The following CAPN14 variants were observed in gnomAD, a reference collection of about 807,000 sequenced individuals.
CAPN14 encodes calpain-14.
CAPN14 carries 94 observed loss-of-function variants against 101.3 expected under a neutral mutation model. The observed-to-expected ratio is 0.93, with a 90% CI of 0.79 to 1.10. The LOEUF is 1.10. CAPN14 is among the 50% of genes least tolerant of loss of function. The pLI is 0.00. For missense variants in CAPN14, 837 were observed against 828.4 expected (o/e 1.01, Z -0.13); for synonymous variants, 338 against 317.9 (o/e 1.06, Z -0.67).
chr2:31,193,399 C>A, intron 9 of CAPN14, 105 bp from the exon 10 acceptor site: 1 of 1,150,956 alleles, frequency 8.7e-7, no homozygotes, highest in Non-Finnish European at 1.2e-6. Context: ...CCAGCCCTCT[C>A]ATGGACAAAG....
intron 1 of CAPN14, chr2:31,233,779 A>G (rs1683266498): frequency 6.6e-6 from 1 of 151,772 alleles, no homozygotes; most frequent in African/African-American, 2.4e-5. Context: ...AAATCCCCCA[A>G]TACTAGAGTA....
rs1405300076 is a variant in CAPN14, at chr2:31,191,955, T to C, written c.1258A>G (p.Ile420Val). The C allele has an allele frequency of 1.9e-6, 3 of 1,551,140 alleles. No homozygotes were observed. The highest frequency in any genetic ancestry group is 2.4e-5 in the South Asian group (2 of 83,990). The stretch of plus-strand genomic sequence containing the variant: ...CCTACCCTATACAGGTAGAAGCCAA[T>C]GGCGAGGAGAGGCTTCCGCTTGCGG... Reference protein sequence around the residue: ...RCRKRKPLLAIGFYLYRMNKY... With the variant: ...RCRKRKPLLAVGFYLYRMNKY... Residue 420 changes from isoleucine to valine, a missense_variant, in exon 11 of 22, where the codon ATT becomes GTT. Coordinates refer to ENST00000403897, the MANE Select transcript of CAPN14 (RefSeq NM_001145122.2).
At chr2:31,186,527 G>A in intron 15 of CAPN14, 42 bp from the exon 16 acceptor site, 1 of 1,468,816 alleles carries the variant, frequency 6.8e-7, no homozygotes, top group Non-Finnish European at 9.3e-7. Flanking sequence ...AACTGTTACT[G>A]AAGGCTCATT....
chr2:31,211,169 T>C (rs1682379382), intron 1 of CAPN14, among the ~76,000 whole-genome samples: 1 of 149,844 alleles, frequency 6.7e-6, no homozygotes, highest in Non-Finnish European at 1.5e-5. Context: ...TAATTCCTAG[T>C]TAAGCCAATA....
chr2:31,233,639 G>A (rs577253485), intron 1 of CAPN14, among the ~76,000 whole-genome samples: 134 of 152,168 alleles, frequency 8.8e-4, no homozygotes, highest in African/African-American at 3.0e-3. Flanking sequence ...TGTTTTGCTG[G>A]AATGAATGAA....
chr2:31,194,683 T>C (rs555149797), intron 8 of CAPN14, among the ~76,000 whole-genome samples, 200 bp from the exon 9 acceptor site: 3 of 152,336 alleles, frequency 2.0e-5, no homozygotes, highest in African/African-American at 7.2e-5. Flanking sequence ...TTGACATACA[T>C]TATTTCATTC....
In CAPN14 at chr2:31,174,296, T is replaced by C. The variant is rs903592915; in HGVS notation, c.*385A>G. On this transcript the variant is annotated 3_prime_UTR_variant, in exon 22 of 22. Coordinates refer to ENST00000403897, the MANE Select transcript of CAPN14 (RefSeq NM_001145122.2). ...TAAAACCTAGATGATTACCCCACCA[T>C]GTGAGAACATGTGGCATGTCTAAAG... 2.2e-5 allele frequency: 7 copies of C among 313,776 alleles called. No homozygotes were observed. The highest frequency in any genetic ancestry group is 1.5e-4 in the African/African-American group (7 of 46,280). The allele number at this position is 313,776 out of a possible 1,614,324, so 19.4% of individuals were successfully genotyped here. A position where few individuals can be genotyped will look rare whatever the true frequency, so the allele number is the denominator to read the frequency against.
chr2:31,204,886 C>T (rs895975836), intron 2 of CAPN14, among the ~76,000 whole-genome samples: 21 of 152,124 alleles, frequency 1.4e-4, no homozygotes, highest in African/African-American at 4.8e-4. Context: ...TATGGCTGGT[C>T]GTGAGTACAG....
rs1022303100 is a variant in CAPN14 at position 31,189,338 on chromosome 2, G to T, written c.1428C>A (p.Cys476Ter). ...CTGACTTCTGGTGGGCCTCCAATAT[G>T]CAGGGCACGATGAGGTACGTCCCTG... Reference protein sequence around the residue: ...LEPGTYLIVPCILEAHQKSEF... With the variant: ...LEPGTYLIVP The change falls in exon 13 of 22, where the codon TGC becomes TGA. Residue 476 changes from cysteine (C) to a stop codon, truncating the protein, a stop_gained. Transcript: ENST00000403897. LOFTEE classifies it high-confidence loss of function. The T allele has an allele frequency of 3.2e-6, 5 of 1,551,638 alleles. No individual in the cohort carries two copies. The East Asian group carries it at 9.8e-5, about 30-fold the overall frequency.
At chr2:31,218,316 G>A (rs1435986727), upstream of CAPN14, among the ~76,000 whole-genome samples, 1 of 133,556 alleles carries the variant, frequency 7.5e-6, no homozygotes, top group Non-Finnish European at 1.5e-5. Context: ...GTTCCAGCTT[G>A]CCTGCCTCCA....
At chr2:31,187,733 C>T (rs547400887) in intron 15 of CAPN14, 25 bp downstream of exon 15, 1 of 1,544,898 alleles carries the variant, frequency 6.5e-7, no homozygotes, top group Non-Finnish European at 8.8e-7. Flanking sequence ...TCTTCCTCAC[C>T]CCCCACCACA....
At chr2:31,218,589 G>A (rs1413878339), upstream of CAPN14, among the ~76,000 whole-genome samples, 2 of 152,156 alleles carry the variant, frequency 1.3e-5, no homozygotes, top group Non-Finnish European at 2.9e-5. Flanking sequence ...CTTATGACAT[G>A]CCAAGCACAA....
At chr2:31,220,599 C>T (rs992877935), upstream of CAPN14, among the ~76,000 whole-genome samples, 2 of 152,150 alleles carry the variant, frequency 1.3e-5, no homozygotes, top group African/African-American at 2.4e-5. Flanking sequence ...CCGAGGCAGG[C>T]GGATCACGAG....
In CAPN14 at chr2:31,230,316, T is replaced by G. The variant is rs1305382232; in HGVS notation, c.-177+3475A>C. On this transcript the variant is annotated intron_variant and NMD_transcript_variant, in intron 1 of 21. Transcript: ENST00000398824. The surrounding 1 kb of genome is among the most constrained non-coding windows in gnomAD (Gnocchi z 4.3). ...GCTACAAATAATGTTGCCATCAACA[T>G]TCTTAAGACTTATCTCCCTATGCAC... is the stretch of plus-strand genomic sequence containing the variant. Among the ~76,000 whole-genome samples the G allele has an allele frequency of 1.3e-5, 2 of 151,682 alleles. No individual in the cohort carries two copies. Among genetic ancestry groups the G allele is most frequent in the African/African-American group, 2.4e-5 (1 of 41,396 alleles).
At chr2:31,203,625 C>T (rs752159707) in intron 2 of CAPN14, among the ~76,000 whole-genome samples, 4 of 152,060 alleles carry the variant, frequency 2.6e-5, no homozygotes, top group Non-Finnish European at 5.9e-5. Context: ...AGTCTTTGCG[C>T]GGACACAGTT....
At chr2:31,183,830 C>G (rs1029059649) in intron 16 of CAPN14, among the ~76,000 whole-genome samples, 2 of 151,024 alleles carry the variant, frequency 1.3e-5, no homozygotes, top group African/African-American at 4.9e-5. Flanking sequence ...CTCCCTCCCT[C>G]TCTCCTTCTT....
intron 1 of CAPN14, among the ~76,000 whole-genome samples, chr2:31,227,882 G>C (rs756258489): frequency 3.9e-5 from 6 of 152,220 alleles, no homozygotes; most frequent in Non-Finnish European, 8.8e-5. Flanking sequence ...GGTTTACGTG[G>C]GGTAGCTTGG....
chr2:31,181,071 A>G, intron 16 of CAPN14, 71 bp from the exon 17 acceptor site: 1 of 1,316,826 alleles, frequency 7.6e-7, no homozygotes, highest in Non-Finnish European at 1.1e-6. Flanking sequence ...GAGCAGGAAG[A>G]GGCAGTGCTG....
Position 31,177,087 on chromosome 2 carries a change from G to C in CAPN14, c.1911C>G (p.Pro637=). Residue 637 remains proline, a synonymous_variant, in exon 20 of 22, where the codon CCC becomes CCG. Coordinates refer to ENST00000403897, the MANE Select transcript of CAPN14 (RefSeq NM_001145122.2). The part of the protein sequence containing the change: ...CQLMLIRYGG[P]RLQMDFVSFI... ...AACTGACAAAGTCCATCTGGAGGCG[G>C]GGGCCGCCGTAGCGGATGAGCATCA... The C allele has an allele frequency of 6.4e-7, 1 of 1,551,528 alleles. No homozygotes were observed. The highest frequency in any genetic ancestry group is 8.7e-7 in the Non-Finnish European group (1 of 1,146,898).
Sources: gnomAD v4.1 joint callset for allele counts (sites outside exome capture counted in the v4.1 genomes callset) on GRCh38, gnomAD v4.1.1 for gene constraint, Gnocchi (gnomAD v3.1) non-coding constraint, MANE v1.5 for transcripts, NCBI Gene and HGNC (gene_info 2026-07-23, HGNC 2026-07-21) for gene names.